Variants in LUZP2 observed in about 807,000 individuals in gnomAD.
LUZP2 encodes leucine zipper protein 2.
In LUZP2, 52 loss-of-function variants were observed where a neutral mutation model predicts 51.6. The observed-to-expected ratio is 1.01, with a 90% CI of 0.81 to 1.27. The LOEUF is 1.27. Among genes scored for constraint, LUZP2 ranks in the 50% most tolerant of loss-of-function variants. The pLI is 0.00. For missense variants in LUZP2, 436 were observed against 395.4 expected, an observed-to-expected ratio of 1.10 and a Z score of -0.87; for synonymous variants, 154 against 137.3, an observed-to-expected ratio of 1.12 and a Z score of -0.85.
intron 5 of LUZP2, among the ~76,000 whole-genome samples, chr11:24,895,841 T>A (rs1853025000): frequency 6.6e-6 from 1 of 152,182 alleles, no homozygotes; most frequent in Non-Finnish European, 1.5e-5. Flanking sequence ...TTTTCTTTTT[T>A]TGGATCTTTG....
In LUZP2 at chr11:24,611,219, C is replaced by T. The variant is rs1327753196; in HGVS notation, c.62+113914C>T. On this transcript the variant is annotated intron_variant, in intron 1 of 11. Transcript: ENST00000336930. The surrounding 1 kb of genome is among the most constrained non-coding windows in gnomAD (Gnocchi z 4.6). The stretch of plus-strand genomic sequence containing the variant: ...ACTTTTACTTTGTGCCGAGGTTGTG[C>T]TAGCTACTAAGACTGTAATGGTGCC... Among the ~76,000 whole-genome samples, 1 of 152,004 alleles carries T rather than the reference C, an allele frequency of 6.6e-6. No individual in the cohort carries two copies. Among genetic ancestry groups the T allele is most frequent in the Non-Finnish European group, 1.5e-5 (1 of 67,994 alleles).
chr11:24,551,682 A>ACAGTCATAG (rs1851728943), intron 1 of LUZP2, among the ~76,000 whole-genome samples: 3 of 152,078 alleles, frequency 2.0e-5, no homozygotes, highest in Non-Finnish European at 4.4e-5. Flanking sequence ...ATAGTAATTC[A>ACAGTCATAG]TAATTGGAAA....
intron 1 of LUZP2, among the ~76,000 whole-genome samples, chr11:24,694,553 C>G (rs549192670): frequency 6.6e-6 from 1 of 152,122 alleles, no homozygotes; most frequent in South Asian, 2.1e-4. Flanking sequence ...CCATTTGACC[C>G]AGCAATCCCA....
rs1856833677 is a variant in LUZP2 at position 24,684,315 on chromosome 11, AT to A, written c.63-44849del. On this transcript the variant is annotated intron_variant, in intron 1 of 11. Transcript: ENST00000336930. ...TTTTAACCTAGGCCTCTAGATGATC[AT>A]TTTTCAATCCTATTTCATCTGAACT... Among the ~76,000 whole-genome samples the A allele has an allele frequency of 3.3e-5, 5 of 152,168 alleles. No individual in the cohort carries two copies. The South Asian group carries it at 1.0e-3, about 31-fold the overall frequency.
At chr11:24,831,228 T>C (rs1850693893) in intron 5 of LUZP2, among the ~76,000 whole-genome samples, 1 of 152,228 alleles carries the variant, frequency 6.6e-6, no homozygotes, top group Admixed American at 6.5e-5. Context: ...TTCATATCTC[T>C]TGTTCCATTG....
intron 5 of LUZP2, among the ~76,000 whole-genome samples, chr11:24,780,915 CA>C (rs1475897895): frequency 6.6e-6 from 1 of 151,940 alleles, no homozygotes; most frequent in African/African-American, 2.4e-5. Context: ...TAGGCCTTGC[CA>C]AAAATCCCTT....
chr11:24,978,897 C>T (rs564949931), intron 8 of LUZP2, among the ~76,000 whole-genome samples: 1 of 151,776 alleles, frequency 6.6e-6, no homozygotes, highest in African/African-American at 2.4e-5. Context: ...ATTCAATGCT[C>T]TTCTCCTCCC....
At chr11:24,957,537 C>T (rs1328197101) in intron 7 of LUZP2, among the ~76,000 whole-genome samples, 2 of 152,034 alleles carry the variant, frequency 1.3e-5, no homozygotes, top group South Asian at 2.1e-4. Flanking sequence ...TATTTACCAC[C>T]GTCCAACTCT....
rs114710062 is a variant in LUZP2 at position 24,696,586 on chromosome 11, A to C, written c.63-32583A>C. On this transcript the variant is annotated intron_variant, in intron 1 of 11. Transcript: ENST00000336930. ...TTTTTTCTATTATATAGTTAACAAA[A>C]ATTACTGTGCATCTGCTATGAACTC... Among the ~76,000 whole-genome samples the C allele has an allele frequency of 7.4e-3, 1,133 of 152,184 alleles. 14 individuals carry two copies. Among genetic ancestry groups the C allele is most frequent in the African/African-American group, 0.025 (1,022 of 41,546 alleles).
At chr11:24,631,128 C>T (rs910666677) in intron 1 of LUZP2, among the ~76,000 whole-genome samples, 3 of 151,778 alleles carry the variant, frequency 2.0e-5, no homozygotes, top group South Asian at 2.1e-4. Context: ...TATGAGGTCA[C>T]GTCATCAGGA....
At chr11:25,044,060 G>GAGTCTATATATATATCTGATATATAT (rs1565273232) in intron 9 of LUZP2, among the ~76,000 whole-genome samples, 1 of 102,308 alleles carries the variant, frequency 9.8e-6, no homozygotes, top group African/African-American at 5.4e-5. Flanking sequence ...GATATATATA[G>GAGTCTATATATATATCTGATATATAT]AGTCTATATA....
intron 1 of LUZP2, among the ~76,000 whole-genome samples, chr11:24,655,921 C>T (rs1855786301): frequency 6.6e-6 from 1 of 152,150 alleles, no homozygotes; most frequent in African/African-American, 2.4e-5. Context: ...TAACTACTTC[C>T]TTCATTAAAG....
intron 1 of LUZP2, among the ~76,000 whole-genome samples, chr11:24,726,467 A>G (rs1858480159): frequency 6.6e-6 from 1 of 151,956 alleles, no homozygotes; most frequent in African/African-American, 2.4e-5. Flanking sequence ...CAAAAATTAA[A>G]AATTAAAAAA....
At chr11:24,947,912 C>T (rs139367966) in intron 7 of LUZP2, among the ~76,000 whole-genome samples, 3 of 152,006 alleles carry the variant, frequency 2.0e-5, no homozygotes, top group African/African-American at 7.2e-5. Context: ...CCTTTCAACA[C>T]TTTGACTGTG....
At chr11:24,612,524 TC>T (rs1854156126) in intron 1 of LUZP2, among the ~76,000 whole-genome samples, 1 of 152,124 alleles carries the variant, frequency 6.6e-6, no homozygotes, top group African/African-American at 2.4e-5. Flanking sequence ...AAGTAAGCTA[TC>T]AAGTACCAGT....
chr11:24,926,345 G>GTA (rs752623200), intron 7 of LUZP2, among the ~76,000 whole-genome samples: 1,091 of 44,912 alleles, frequency 0.024, 138 homozygotes, highest in African/African-American at 0.092. Flanking sequence ...ATATACGTGT[G>GTA]TATATATATA....
intron 5 of LUZP2, among the ~76,000 whole-genome samples, chr11:24,853,662 T>C (rs1188278026): frequency 1.3e-5 from 2 of 152,120 alleles, no homozygotes; most frequent in Non-Finnish European, 2.9e-5. Context: ...TTTGTTCCCA[T>C]GCTGGCAAGG....
rs537720288 is a variant in LUZP2 at position 24,775,777 on chromosome 11, A to G, written c.396+12469A>G. On this transcript the variant is annotated intron_variant, in intron 5 of 11. Transcript: ENST00000336930. The stretch of plus-strand genomic sequence containing the variant: ...TCGGTTCTCTGAGAGAGAGATAGCT[A>G]GTGTTCCCTGAACATGCTTCAAGTA... Among the ~76,000 whole-genome samples the G allele has an allele frequency of 2.4e-4, 37 of 152,264 alleles. No individual in the cohort carries two copies. In the East Asian group the frequency reaches 7.1e-3, roughly 29 times the overall value.
intron 1 of LUZP2, among the ~76,000 whole-genome samples, chr11:24,552,382 A>G (rs552664730): frequency 6.6e-6 from 1 of 152,154 alleles, no homozygotes; most frequent in Non-Finnish European, 1.5e-5. Context: ...AAACTTTGTC[A>G]AAACATTATA....
Sources: gnomAD v4.1 joint callset for allele counts (sites outside exome capture counted in the v4.1 genomes callset) on GRCh38, gnomAD v4.1.1 for gene constraint, Gnocchi (gnomAD v3.1) non-coding constraint, MANE v1.5 for transcripts, NCBI Gene and HGNC (gene_info 2026-07-23, HGNC 2026-07-21) for gene names.